The following FHIP1A variants were observed in gnomAD, a reference collection of about 807,000 sequenced individuals.
The protein encoded by FHIP1A is FHF complex subunit HOOK interacting protein 1A.
FHIP1A carries 61 observed loss-of-function variants against 88.6 expected under a neutral mutation model. That is an observed-to-expected ratio of 0.69 (90% CI 0.56 to 0.85). FHIP1A has a LOEUF of 0.85. Among genes scored for constraint, FHIP1A ranks in the 40% least tolerant of loss-of-function variants. FHIP1A has a pLI of 0.00. For missense variants in FHIP1A, 1,154 were observed against 1,273.5 expected (o/e 0.91, Z 1.43); for synonymous variants, 478 against 496.0 (o/e 0.96, Z 0.48).
intron 3 of FHIP1A, among the ~76,000 whole-genome samples, chr4:151,508,977 T>A (rs998647370): frequency 3.9e-5 from 6 of 152,084 alleles, no homozygotes; most frequent in African/African-American, 1.4e-4. Flanking sequence ...TCCTTTTGGG[T>A]TTGGATGAAA....
chr4:151,466,781 C>G (rs1200521521), intron 2 of FHIP1A, among the ~76,000 whole-genome samples: 1 of 152,098 alleles, frequency 6.6e-6, no homozygotes, highest in Non-Finnish European at 1.5e-5. Context: ...TAGTCACATG[C>G]AGAAAACTGA....
At chr4:151,612,939 C>A (rs1735382455) in intron 7 of FHIP1A, among the ~76,000 whole-genome samples, 1 of 152,206 alleles carries the variant, frequency 6.6e-6, no homozygotes, top group South Asian at 2.1e-4. Context: ...AGAGACGCGA[C>A]ACCTTACTGA....
intron 9 of FHIP1A, among the ~76,000 whole-genome samples, chr4:151,644,362 G>T (rs915196422): frequency 6.8e-6 from 1 of 147,372 alleles, no homozygotes; most frequent in Non-Finnish European, 1.5e-5. Context: ...ATCTGTTTTT[G>T]TTTTTTAGAG....
At chr4:151,430,434 A>C (rs1419706486) in intron 1 of FHIP1A, among the ~76,000 whole-genome samples, 1 of 152,228 alleles carries the variant, frequency 6.6e-6, no homozygotes, top group Non-Finnish European at 1.5e-5. Context: ...ATTCTTGCCA[A>C]GTTCTACTAT....
chr4:151,560,125 T>A (rs950989955), intron 3 of FHIP1A, among the ~76,000 whole-genome samples: 1 of 152,188 alleles, frequency 6.6e-6, no homozygotes, highest in African/African-American at 2.4e-5. Context: ...GATTCATGGA[T>A]GTATATGGAA....
chr4:151,634,991 T>C (rs1736295851), intron 8 of FHIP1A, among the ~76,000 whole-genome samples: 1 of 151,822 alleles, frequency 6.6e-6, no homozygotes, highest in Non-Finnish European at 1.5e-5. Flanking sequence ...TTATGAGTCA[T>C]ATATCTGATA....
At chr4:151,548,840 T>A (rs1402182927) in intron 3 of FHIP1A, among the ~76,000 whole-genome samples, 1 of 152,198 alleles carries the variant, frequency 6.6e-6, no homozygotes, top group African/African-American at 2.4e-5. Flanking sequence ...AAATACTTGT[T>A]CCCCGGTGCT....
rs1004404642 is a variant in FHIP1A at position 151,646,759 on chromosome 4, G to A, written c.1417+11G>A. ...TGCATGACACTTCAGGTAGGAACTC[G>A]CTAGTGATGATCTTTAAACAAAAGG... is the stretch of plus-strand genomic sequence containing the variant. On this transcript the variant is annotated intron_variant, in intron 10 of 13. Transcript: ENST00000435205. 80 of 1,527,036 alleles carry A rather than the reference G, an allele frequency of 5.2e-5. No homozygotes were observed. Among genetic ancestry groups the A allele is most frequent in the Non-Finnish European group, 6.7e-5 (76 of 1,129,026 alleles). 94.6% of individuals were successfully genotyped at this position (1,527,036 alleles called of 1,614,324 possible).
In FHIP1A at chr4:151,563,502, T is replaced by A. The variant is rs150726861; in HGVS notation, c.-122-2636T>A. On this transcript the variant is annotated intron_variant, in intron 3 of 13. Transcript: ENST00000435205. ...TACTTGAAACATTTTTGACATCACG[T>A]ACCTTAGACTGAAGAGTGCAGAGGG... Among the ~76,000 whole-genome samples the A allele has an allele frequency of 4.5e-4, 69 of 152,288 alleles. 1 individual carries two copies. Among genetic ancestry groups the A allele is most frequent in the African/African-American group, 1.6e-3 (67 of 41,558 alleles).
At chr4:151,511,044 T>C (rs1435333315) in intron 3 of FHIP1A, among the ~76,000 whole-genome samples, 1 of 152,206 alleles carries the variant, frequency 6.6e-6, no homozygotes, top group Non-Finnish European at 1.5e-5. Flanking sequence ...GTAGAGTTAC[T>C]TACAGGCTAC....
intron 7 of FHIP1A, among the ~76,000 whole-genome samples, chr4:151,623,321 A>T (rs1003148021): frequency 1.3e-5 from 2 of 152,114 alleles, no homozygotes; most frequent in Non-Finnish European, 2.9e-5. Context: ...TTTGGGGCTG[A>T]GGTAGCCTAT....
At position 151,670,106 on chromosome 4, in the gene FHIP1A, T is replaced by G. The variant is rs1467841724; in HGVS notation, c.*7352T>G. On this transcript the variant is annotated 3_prime_UTR_variant, in exon 14 of 14. Coordinates refer to ENST00000435205, the MANE Select transcript of FHIP1A (RefSeq NM_001109977.3). ...CATCACAGTTTTGACAAGTATGCTTTTAAAAAACAACATTTGCAAAACTGG... is the reference window on the plus strand; with the variant it reads ...CATCACAGTTTTGACAAGTATGCTTGTAAAAAACAACATTTGCAAAACTGG... The G allele has an allele frequency of 6.6e-6, 1 of 152,202 alleles. No individual in the cohort carries two copies. Among genetic ancestry groups the G allele is most frequent in the Non-Finnish European group, 1.5e-5 (1 of 68,050 alleles). 9.4% of individuals were successfully genotyped at this position (152,202 alleles called of 1,614,324 possible).
intron 8 of FHIP1A, among the ~76,000 whole-genome samples, chr4:151,633,659 T>G (rs1052980756): frequency 2.6e-5 from 4 of 151,948 alleles, no homozygotes; most frequent in Non-Finnish European, 5.9e-5. Flanking sequence ...CATATGAAAG[T>G]CAGTCAGTGT....
intron 3 of FHIP1A, among the ~76,000 whole-genome samples, chr4:151,557,157 CAT>C (rs1393767717): frequency 1.3e-5 from 2 of 152,264 alleles, no homozygotes; most frequent in Admixed American, 1.3e-4. Context: ...GTGTTAATAA[CAT>C]ATAAAATAAT....
intron 8 of FHIP1A, among the ~76,000 whole-genome samples, chr4:151,633,147 A>G (rs1736219703): frequency 6.6e-6 from 1 of 151,960 alleles, no homozygotes; most frequent in South Asian, 2.1e-4. Flanking sequence ...ACCTTATGCC[A>G]CAGAAATAAA....
At chr4:151,629,563 A>G in intron 7 of FHIP1A, 139 bp from the exon 8 acceptor site, 1 of 637,882 alleles carries the variant, frequency 1.6e-6, no homozygotes, top group Non-Finnish European at 2.7e-6. Context: ...GCTTCAATAA[A>G]GCTCTGAAGT....
intron 1 of FHIP1A, among the ~76,000 whole-genome samples, chr4:151,441,639 A>G (rs1728416685): frequency 6.6e-6 from 1 of 152,180 alleles, no homozygotes; most frequent in African/African-American, 2.4e-5. Context: ...GGTCTCAGAC[A>G]TTGGCTTAAG....
At position 151,577,918 on chromosome 4, in the gene FHIP1A, G is replaced by A. The variant is rs868550454; in HGVS notation, c.574G>A (p.Ala192Thr). Residue 192 changes from alanine to threonine, a missense_variant, in exon 5 of 14, where the codon GCT becomes ACT. Transcript: ENST00000435205. ...CTTCCACACTAGTGAAGACCAAGGC[G>A]CTGCCAACTTCCTCATCTTCTCCCT... The part of the protein sequence containing the change: ...LFFHTSEDQG[A>T]ANFLIFSLLI... 94 of 1,551,490 alleles carry A rather than the reference G, an allele frequency of 6.1e-5. No homozygotes were observed. The highest frequency in any genetic ancestry group is 1.7e-4 in the Middle Eastern group (1 of 5,992).
intron 2 of FHIP1A, among the ~76,000 whole-genome samples, chr4:151,476,997 A>G (rs555060650): frequency 6.6e-6 from 1 of 152,300 alleles, no homozygotes; most frequent in South Asian, 2.1e-4. Context: ...GATACGAAAA[A>G]ATGGAAAGGT....
Sources: gnomAD v4.1 joint callset for allele counts (sites outside exome capture counted in the v4.1 genomes callset) on GRCh38, gnomAD v4.1.1 for gene constraint, MANE v1.5 for transcripts, NCBI Gene and HGNC (gene_info 2026-07-23, HGNC 2026-07-21) for gene names.